The following DAAM2 variants were observed in gnomAD, a reference collection of about 807,000 sequenced individuals.
The protein encoded by DAAM2 is dishevelled associated activator of morphogenesis 2, also known as disheveled-associated activator of morphogenesis 2.
DAAM2 carries 39 observed loss-of-function variants against 120.7 expected under a neutral mutation model. The ratio of observed to expected loss-of-function variants is 0.32; its 90% CI spans 0.25 to 0.42. The LOEUF is 0.42. DAAM2 is among the 10% of genes least tolerant of loss of function. The pLI is 1.00. For synonymous variants in DAAM2, 488 were observed against 524.9 expected, an observed-to-expected ratio of 0.93 and a Z score of 0.96; for missense variants, 1,283 against 1,401.7, an observed-to-expected ratio of 0.92 and a Z score of 1.35.
intron 10 of DAAM2, 64 bp downstream of exon 10, chr6:39,873,419 A>G (rs1764744176): frequency 6.6e-6 from 8 of 1,204,218 alleles, no homozygotes; most frequent in Middle Eastern, 1.9e-4. Context: ...GCAGGTTTAG[A>G]CAAGACTTTG....
chr6:39,897,998 T>G (rs1012073455), intron 21 of DAAM2, among the ~76,000 whole-genome samples: 1 of 152,176 alleles, frequency 6.6e-6, no homozygotes, highest in African/African-American at 2.4e-5. Flanking sequence ...AGGGTCTGCT[T>G]CTGGGAAAAA....
Position 39,901,962 on chromosome 6 carries a change from G to A in DAAM2, c.3132G>A (p.Lys1044=). The change falls in exon 25 of 25, where the codon AAG becomes AAA. Residue 1044 remains lysine, a synonymous_variant. Coordinates refer to ENST00000274867, the MANE Select transcript of DAAM2 (RefSeq NM_001201427.2). The surrounding 1 kb of genome is among the most constrained non-coding windows in gnomAD (Gnocchi z 4.5). ...EVFDKDLCKL[K]RSRKRSGSQA... ...TCGACAAGGACTTATGCAAGCTCAAGCGCAGCCGCAAGCGATCAGGGAGCC... is the reference window on the plus strand; with the variant it reads ...TCGACAAGGACTTATGCAAGCTCAAACGCAGCCGCAAGCGATCAGGGAGCC... 1 of 1,612,590 alleles carries A rather than the reference G, an allele frequency of 6.2e-7. No homozygotes were observed. The highest frequency in any genetic ancestry group is 8.5e-7 in the Non-Finnish European group (1 of 1,178,832).
chr6:39,821,914 G>A, intron 1 of DAAM2: 1 of 152,334 alleles, frequency 6.6e-6, no homozygotes, highest in East Asian at 1.9e-4. Flanking sequence ...TCTTCCTATA[G>A]GGTCAGGGGA....
chr6:39,879,399 T>C lies in DAAM2; in HGVS notation c.1767T>C (p.Ser589=). The stretch of plus-strand genomic sequence containing the variant: ...TCCCTCAGGACCCCTACCCCAGCAG[T>C]GACGTCCCACTCAGGAAAAAGCGTG... The part of the protein sequence containing the change: ...LPLPQDPYPS[S]DVPLRKKRVP... Residue 589 remains serine, a synonymous_variant, in exon 14 of 25, where the codon AGT becomes AGC. Coordinates refer to ENST00000274867, the MANE Select transcript of DAAM2 (RefSeq NM_001201427.2). The C allele has an allele frequency of 6.2e-7, 1 of 1,612,808 alleles. No homozygotes were observed.
chr6:39,900,096 G>C lies in DAAM2; in HGVS notation c.2699G>C (p.Arg900Pro), dbSNP rs372205807. 3 of 1,600,346 alleles carry C rather than the reference G, an allele frequency of 1.9e-6. No homozygotes were observed. The highest frequency in any genetic ancestry group is 2.6e-6 in the Non-Finnish European group (3 of 1,173,614). ...AVEVELEYQRRQVREPSDKFV... is the reference protein window; with the variant it reads ...AVEVELEYQRPQVREPSDKFV... ...CCTCAGGAGCTGGAGTATCAGAGGC[G>C]CCAGGTACGGGAGCCCAGTGACAAG... The change falls in exon 23 of 25, where the codon CGC becomes CCC. Residue 900 changes from arginine to proline, a missense_variant. Physicochemically the swap from Arg to Pro is moderately radical, Grantham distance 103. Coordinates refer to ENST00000274867, the MANE Select transcript of DAAM2 (RefSeq NM_001201427.2).
chr6:39,898,251 C>T (rs181815279), intron 21 of DAAM2, among the ~76,000 whole-genome samples: 3 of 152,330 alleles, frequency 2.0e-5, no homozygotes, highest in East Asian at 3.9e-4. Context: ...GAGAGCATCT[C>T]CTCTCAGTAA....
chr6:39,847,318 C>T (rs968032563), intron 1 of DAAM2, among the ~76,000 whole-genome samples: 1 of 152,162 alleles, frequency 6.6e-6, no homozygotes, highest in African/African-American at 2.4e-5. Flanking sequence ...ATGGGTTGCT[C>T]TGGTGGGAGA....
chr6:39,793,426 G>A (rs1468379824), intron 1 of DAAM2, among the ~76,000 whole-genome samples: 3 of 152,082 alleles, frequency 2.0e-5, no homozygotes, highest in African/African-American at 7.2e-5. Context: ...GCTGAGATCT[G>A]GGCTTGATTT....
intron 1 of DAAM2, among the ~76,000 whole-genome samples, chr6:39,854,589 C>A (rs1367073539): frequency 6.6e-6 from 1 of 152,000 alleles, no homozygotes; most frequent in Non-Finnish European, 1.5e-5. Flanking sequence ...GTATGAGAGG[C>A]CAGATGAGAT....
intron 1 of DAAM2, chr6:39,856,009 G>A (rs1763985891): frequency 1.0e-6 from 1 of 984,388 alleles, no homozygotes; most frequent in East Asian, 1.1e-4. Flanking sequence ...AAGTGTCTTG[G>A]CAGATAACAC....
At chr6:39,893,309 G>T (rs763105474) in intron 19 of DAAM2, among the ~76,000 whole-genome samples, 8 of 152,328 alleles carry the variant, frequency 5.3e-5, no homozygotes, top group Non-Finnish European at 7.4e-5. Context: ...AAGGTCAGGA[G>T]ATTGAGACCA....
In DAAM2 at chr6:39,878,463, T is replaced by C. The variant is rs1764963928; in HGVS notation, c.1420T>C (p.Leu474=). The change falls in exon 13 of 25, where the codon TTG becomes CTG. Residue 474 remains leucine (L), a synonymous_variant. Coordinates refer to ENST00000274867, the MANE Select transcript of DAAM2 (RefSeq NM_001201427.2). This position sits in a 1 kb window ranked among gnomAD's most constrained non-coding sequence, Gnocchi z 5.0. ...RKERECETKT[L]EKEEMMRTLN... ...GGAGCGGGAATGCGAGACAAAGACA[T>C]TGGAGAAGGAAGAGATGATGCGGAC... The C allele has an allele frequency of 6.2e-7, 1 of 1,611,274 alleles. No homozygotes were observed. The highest frequency in any genetic ancestry group is 8.5e-7 in the Non-Finnish European group (1 of 1,178,708).
In DAAM2 at chr6:39,856,104, C is replaced by T. The variant is rs1383237150; in HGVS notation, c.-56-143C>T. 1.1e-4 allele frequency: 135 copies of T among 1,206,254 alleles called. No individual in the cohort carries two copies. In the Admixed American group the frequency reaches 1.3e-3, roughly 12 times the overall value. The allele number at this position is 1,206,254 out of a possible 1,614,324, so 74.7% of individuals were successfully genotyped here. A position where few individuals can be genotyped will look rare whatever the true frequency, so the allele number is the denominator to read the frequency against. ...CAGAGGGATGCTGTGGGAGGAGGGG[C>T]GACAGCGGGGTGGGTGGGGCTTTGC... is the stretch of plus-strand genomic sequence containing the variant. On this transcript the variant is annotated intron_variant, in intron 1 of 24. Transcript: ENST00000274867.
chr6:39,873,458 A>G (rs1764745910), intron 10 of DAAM2, 103 bp downstream of exon 10: 1 of 786,748 alleles, frequency 1.3e-6, no homozygotes, highest in Non-Finnish European at 2.2e-6. Flanking sequence ...GAGTCTGACC[A>G]TGTCTCCCTG....
At chr6:39,892,764 A>G (rs1406897962) in intron 19 of DAAM2, among the ~76,000 whole-genome samples, 1 of 152,052 alleles carries the variant, frequency 6.6e-6, no homozygotes, top group African/African-American at 2.4e-5. Flanking sequence ...CCAGAGAGCA[A>G]CCCTTCCTGA....
In DAAM2 at chr6:39,901,298, A is replaced by C. The variant is rs111433318; in HGVS notation, c.2812-4A>C. 277 of 1,612,396 alleles carry C rather than the reference A, an allele frequency of 1.7e-4. No homozygotes were observed. The African/African-American group carries it at 3.0e-3, about 17-fold the overall frequency. The stretch of plus-strand genomic sequence containing the variant: ...TCCACCAATCCTGTTCTGTCCCTTG[A>C]CAGTTCGCCAAGGCCTTGATGCACT... On this transcript the variant is annotated splice_region_variant and splice_polypyrimidine_tract_variant and intron_variant, in intron 23 of 24. Coordinates refer to ENST00000274867, the MANE Select transcript of DAAM2 (RefSeq NM_001201427.2). This position sits in a 1 kb window ranked among gnomAD's most constrained non-coding sequence, Gnocchi z 4.5.
intron 2 of DAAM2, among the ~76,000 whole-genome samples, chr6:39,859,826 T>C (rs1273040785): frequency 6.6e-6 from 1 of 152,196 alleles, no homozygotes; most frequent in Admixed American, 6.5e-5. Flanking sequence ...CTGATCTAGG[T>C]GAGAGAATAA....
chr6:39,869,945 C>T (rs1764591478), intron 7 of DAAM2, among the ~76,000 whole-genome samples: 2 of 151,872 alleles, frequency 1.3e-5, no homozygotes, highest in South Asian at 4.2e-4. Context: ...CAAGTGTCAT[C>T]CCTGTAGATT....
At chr6:39,815,184 A>C (rs1057203669) in intron 1 of DAAM2, among the ~76,000 whole-genome samples, 1 of 152,346 alleles carries the variant, frequency 6.6e-6, no homozygotes, top group Admixed American at 6.5e-5. Flanking sequence ...CCTGGTGCAC[A>C]CTGAAGCCTG....
Sources: gnomAD v4.1 joint callset for allele counts (sites outside exome capture counted in the v4.1 genomes callset) on GRCh38, gnomAD v4.1.1 for gene constraint, Gnocchi (gnomAD v3.1) non-coding constraint, MANE v1.5 for transcripts, NCBI Gene and HGNC (gene_info 2026-07-23, HGNC 2026-07-21) for gene names.